Variants in SEC14L4 observed in about 807,000 individuals in gnomAD.
SEC14L4 encodes SEC14-like protein 4.
In SEC14L4, 42 loss-of-function variants were observed where a neutral mutation model predicts 55.1. The observed-to-expected ratio is 0.76, with a 90% CI of 0.60 to 0.99. The LOEUF (loss-of-function observed/expected upper bound fraction) is 0.99, where lower values mean the gene tolerates loss of function less well. SEC14L4 is among the 50% of genes least tolerant of loss of function. The pLI, the probability that SEC14L4 is intolerant of heterozygous loss-of-function variation, is 0.00. For synonymous variants in SEC14L4, 206 were observed against 206.8 expected, an observed-to-expected ratio of 1.00 and a Z score of 0.03; for missense variants, 445 against 512.1, an observed-to-expected ratio of 0.87 and a Z score of 1.27.
rs1309605010 is a variant in SEC14L4, at chr22:30,505,660, C to T, written c.-49G>A. ...TCAGGGCGCAGGTCCGCCCGCCCGC[C>T]GCCGCCTGGCCTTGTATCCGCTGCC... is the stretch of plus-strand genomic sequence containing the variant. On this transcript the variant is annotated 5_prime_UTR_variant, in exon 1 of 12. Coordinates refer to ENST00000255858, the MANE Select transcript of SEC14L4 (RefSeq NM_174977.4). The T allele has an allele frequency of 1.3e-6, 2 of 1,499,084 alleles. No individual in the cohort carries two copies. Among genetic ancestry groups the T allele is most frequent in the Non-Finnish European group, 1.8e-6 (2 of 1,123,804 alleles). 92.9% of individuals were successfully genotyped at this position (1,499,084 alleles called of 1,614,324 possible).
chr22:30,489,597 T>C lies in SEC14L4; in HGVS notation c.*510A>G. 3.5e-6 allele frequency: 2 copies of C among 572,384 alleles called. No homozygotes were observed. Among genetic ancestry groups the C allele is most frequent in the Admixed American group, 6.3e-5 (2 of 31,632 alleles). The allele number at this position is 572,384 out of a possible 1,614,324, so 35.5% of individuals were successfully genotyped here. A position where few individuals can be genotyped will look rare whatever the true frequency, so the allele number is the denominator to read the frequency against. On this transcript the variant is annotated 3_prime_UTR_variant, in exon 12 of 12. Transcript: ENST00000255858. ...CAAACTTGGATGGGCCCCAGTGCTC[T>C]GCTGGAACCAGGACCCTCACCCAGC...
rs377545540 is a variant in SEC14L4, at chr22:30,505,641, C to T, written c.-30G>A. The T allele has an allele frequency of 6.5e-6, 10 of 1,529,528 alleles. No individual in the cohort carries two copies. The highest frequency in any genetic ancestry group is 2.0e-5 in the Admixed American group (1 of 50,224). 94.7% of individuals were successfully genotyped at this position (1,529,528 alleles called of 1,614,324 possible). A position where few individuals can be genotyped will look rare whatever the true frequency, so the allele number is the denominator to read the frequency against. ...CCCGCGGGCGCAGAAAGGCTCAGGG[C>T]GCAGGTCCGCCCGCCCGCCGCCGCC... On this transcript the variant is annotated 5_prime_UTR_variant, in exon 1 of 12. Coordinates refer to ENST00000255858, the MANE Select transcript of SEC14L4 (RefSeq NM_174977.4).
intron 2 of SEC14L4, among the ~76,000 whole-genome samples, chr22:30,496,570 C>A (rs569394308): frequency 8.6e-5 from 13 of 151,826 alleles, no homozygotes; most frequent in Admixed American, 1.3e-4. Context: ...CACCCCCCCC[C>A]ACCACCTGCA....
intron 2 of SEC14L4, among the ~76,000 whole-genome samples, chr22:30,502,996 G>A (rs1936377719): frequency 6.6e-6 from 1 of 152,244 alleles, no homozygotes; most frequent in African/African-American, 2.4e-5. Context: ...ACAGAGCCCT[G>A]TCCTCGGGGA....
chr22:30,500,733 C>T (rs1569246421), intron 2 of SEC14L4, among the ~76,000 whole-genome samples: 2 of 137,906 alleles, frequency 1.5e-5, no homozygotes, highest in Non-Finnish European at 1.5e-5. Context: ...TTGGGCAATG[C>T]TCATGGGATA....
chr22:30,492,119 G>A lies in SEC14L4; in HGVS notation c.701C>T (p.Pro234Leu), dbSNP rs1935982525. ...CCCAAACTCCACAGGCAGCTGGTCG[G>A]GGCTGATGAATTTTGTCAGCTCCTG... Reference protein sequence around the residue: ...WKQELTKFISPDQLPVEFGGT... With the variant: ...WKQELTKFISLDQLPVEFGGT... Residue 234 changes from proline to leucine, a missense_variant, in exon 9 of 12, where the codon CCC becomes CTC. Pro to Leu is a moderately conservative substitution (Grantham distance 98, BLOSUM62 -3). Coordinates refer to ENST00000255858, the MANE Select transcript of SEC14L4 (RefSeq NM_174977.4). The A allele has an allele frequency of 1.9e-6, 3 of 1,613,674 alleles. No homozygotes were observed. The highest frequency in any genetic ancestry group is 1.3e-5 in the African/African-American group (1 of 74,920).
chr22:30,491,679 C>A lies in SEC14L4; in HGVS notation c.975G>T (p.Gly325=). 1 of 1,614,152 alleles carries A rather than the reference C, an allele frequency of 6.2e-7. No homozygotes were observed. The highest frequency in any genetic ancestry group is 8.5e-7 in the Non-Finnish European group (1 of 1,180,012). ...TCATCTCCCTAGCACTCTGCTGCTCCCCCATCTTGGTCTTCAGGAAAACCC... is the reference window on the plus strand; with the variant it reads ...TCATCTCCCTAGCACTCTGCTGCTCACCCATCTTGGTCTTCAGGAAAACCC... ...GFGVFLKTKM[G]EQQSAREMTE... is the part of the protein sequence containing the mutation. The change falls in exon 11 of 12, where the codon GGG becomes GGT. Residue 325 remains glycine, a synonymous_variant. Transcript: ENST00000255858.
chr22:30,489,739 C>T lies in SEC14L4; in HGVS notation c.*368G>A, dbSNP rs187072909. 9.1e-5 allele frequency: 82 copies of T among 896,674 alleles called. No individual in the cohort carries two copies. The East Asian group carries it at 2.0e-3, about 22-fold the overall frequency. 55.5% of individuals were successfully genotyped at this position (896,674 alleles called of 1,614,324 possible). On this transcript the variant is annotated 3_prime_UTR_variant, in exon 12 of 12. Transcript: ENST00000255858. Reference sequence around the variant, plus strand: ...CAGGACCTAGGAACCACGCACACCCCCTGAAGCTGGAACACCAGGCATGGG... The same window carrying T: ...CAGGACCTAGGAACCACGCACACCCTCTGAAGCTGGAACACCAGGCATGGG...
At chr22:30,501,860 T>TACAC (rs1936336570) in intron 2 of SEC14L4, among the ~76,000 whole-genome samples, 7 of 142,556 alleles carry the variant, frequency 4.9e-5, no homozygotes, top group African/African-American at 1.8e-4. Flanking sequence ...TATATATATA[T>TACAC]ATATATATAT....
intron 2 of SEC14L4, among the ~76,000 whole-genome samples, chr22:30,500,795 C>T (rs1936295930): frequency 9.7e-6 from 1 of 103,264 alleles, no homozygotes; most frequent in Non-Finnish European, 1.8e-5. Context: ...GTAACACCTA[C>T]TATGCGCCAG....
At chr22:30,495,546 G>T (rs750055847) in intron 4 of SEC14L4, 37 bp downstream of exon 4, 39 of 1,611,448 alleles carry the variant, frequency 2.4e-5, no homozygotes, top group Non-Finnish European at 3.2e-5. Context: ...GGGGTGAGGG[G>T]CCTCAGATGG....
rs757986337 is a variant in SEC14L4, at chr22:30,505,640, G to A, written c.-29C>T. 2 of 1,530,082 alleles carry A rather than the reference G, an allele frequency of 1.3e-6. No homozygotes were observed. The highest frequency in any genetic ancestry group is 1.7e-6 in the Non-Finnish European group (2 of 1,142,884). 94.8% of individuals were successfully genotyped at this position (1,530,082 alleles called of 1,614,324 possible). On this transcript the variant is annotated 5_prime_UTR_variant, in exon 1 of 12. Coordinates refer to ENST00000255858, the MANE Select transcript of SEC14L4 (RefSeq NM_174977.4). ...GCCCGCGGGCGCAGAAAGGCTCAGG[G>A]CGCAGGTCCGCCCGCCCGCCGCCGC...
chr22:30,496,060 C>G, intron 2 of SEC14L4, 89 bp from the exon 3 acceptor site: 1 of 1,040,604 alleles, frequency 9.6e-7, no homozygotes, highest in Non-Finnish European at 1.4e-6. Flanking sequence ...CTAAGGTGTC[C>G]CCAGCCTTTT....
intron 3 of SEC14L4, 74 bp from the exon 4 acceptor site, chr22:30,495,716 G>A: frequency 6.2e-7 from 1 of 1,611,704 alleles, no homozygotes; most frequent in Non-Finnish European, 8.5e-7. Context: ...TCTGCCCACA[G>A]CCACCAAGAT....
chr22:30,489,802 A>G lies in SEC14L4; in HGVS notation c.*305T>C. ...GGCTGGATCTTGTCAAGATGGGTGA[A>G]AGGGCAGCTTCTGCAAGCAGGACCC... On this transcript the variant is annotated 3_prime_UTR_variant, in exon 12 of 12. Transcript: ENST00000255858. 3 of 1,478,144 alleles carry G rather than the reference A, an allele frequency of 2.0e-6. No homozygotes were observed. The highest frequency in any genetic ancestry group is 9.3e-7 in the Non-Finnish European group (1 of 1,079,888). The allele number at this position is 1,478,144 out of a possible 1,614,324, so 91.6% of individuals were successfully genotyped here. A position where few individuals can be genotyped will look rare whatever the true frequency, so the allele number is the denominator to read the frequency against.
At chr22:30,496,190 A>C (rs914391753) in intron 2 of SEC14L4, among the ~76,000 whole-genome samples, 1 of 152,134 alleles carries the variant, frequency 6.6e-6, no homozygotes, top group Non-Finnish European at 1.5e-5. Flanking sequence ...ATGTGATCAT[A>C]GCTTACTGTG....
intron 2 of SEC14L4, among the ~76,000 whole-genome samples, chr22:30,503,475 C>T (rs993049210): frequency 6.6e-6 from 1 of 152,044 alleles, no homozygotes; most frequent in Non-Finnish European, 1.5e-5. Context: ...GTTGGTCAGG[C>T]TGGTCTCGAA....
In SEC14L4 at chr22:30,495,275, C is replaced by T. The variant is rs145035807; in HGVS notation, c.402G>A (p.Glu134=). The part of the protein sequence containing the change: ...RIKVCELLLH[E]CELQTQKLGR... ...TCACCTTCTGAGTTTGCAGCTCACA[C>T]TCATGCAACAGCAGCTCACAGACTT... The change falls in exon 5 of 12, where the codon GAG becomes GAA. Residue 134 remains glutamate (E), a synonymous_variant. Transcript: ENST00000255858. 6.2e-7 allele frequency: 1 copy of T among 1,612,116 alleles called. No individual in the cohort carries two copies. Among genetic ancestry groups the T allele is most frequent in the South Asian group, 1.1e-5 (1 of 90,698 alleles).
chr22:30,492,068 T>C lies in SEC14L4; in HGVS notation c.752A>G (p.Asn251Ser). 4 of 1,613,700 alleles carry C rather than the reference T, an allele frequency of 2.5e-6. No homozygotes were observed. Among genetic ancestry groups the C allele is most frequent in the Non-Finnish European group, 3.4e-6 (4 of 1,179,800 alleles). The change falls in exon 9 of 12, where the codon AAC becomes AGC. Residue 251 changes from asparagine to serine, a missense_variant. Transcript: ENST00000255858. ...CTGTACCTTGGTCAGGCACTTGGGGTTGCCATCGGGGTCAGTCATGGTCCC... is the reference window on the plus strand; with the variant it reads ...CTGTACCTTGGTCAGGCACTTGGGGCTGCCATCGGGGTCAGTCATGGTCCC... Reference protein sequence around the residue: ...FGGTMTDPDGNPKCLTKINYG... With the variant: ...FGGTMTDPDGSPKCLTKINYG...
Sources: gnomAD v4.1 joint callset for allele counts (sites outside exome capture counted in the v4.1 genomes callset) on GRCh38, gnomAD v4.1.1 for gene constraint, MANE v1.5 for transcripts, NCBI Gene and HGNC (gene_info 2026-07-23, HGNC 2026-07-21) for gene names.